Variants in ZFYVE28 observed in about 807,000 individuals in gnomAD.
The protein encoded by ZFYVE28 is zinc finger FYVE-type containing 28.
ZFYVE28 carries 40 observed loss-of-function variants against 82.1 expected under a neutral mutation model. That is an observed-to-expected ratio of 0.49 (90% confidence interval 0.38 to 0.63). The LOEUF is 0.63. ZFYVE28 is among the 30% of genes least tolerant of loss of function. The pLI is 0.00. For synonymous variants in ZFYVE28, 612 were observed against 546.1 expected (o/e 1.12, Z -1.68); for missense variants, 1,321 against 1,242.1 (o/e 1.06, Z -0.96).
At chr4:2,273,096 T>C in intron 10 of ZFYVE28, 77 bp downstream of exon 10, 1 of 1,255,068 alleles carries the variant, frequency 8.0e-7, no homozygotes, top group Non-Finnish European at 1.1e-6. Context: ...AGGTGTGGAT[T>C]TCTGAGCACC....
At chr4:2,333,654 A>G (rs1419517541) in intron 6 of ZFYVE28, among the ~76,000 whole-genome samples, 1 of 152,082 alleles carries the variant, frequency 6.6e-6, no homozygotes, top group African/African-American at 2.4e-5. Context: ...GCTTGGTGCC[A>G]CACCTCAAAG....
intron 8 of ZFYVE28, among the ~76,000 whole-genome samples, chr4:2,275,146 C>A (rs1736295759): frequency 6.6e-6 from 1 of 152,190 alleles, no homozygotes; most frequent in African/African-American, 2.4e-5. Context: ...AGACCTCAGG[C>A]TCTGTCCGTG....
At position 2,418,229 on chromosome 4, in the gene ZFYVE28, T is replaced by TG; in HGVS notation, c.39+55dup. 1 of 1,502,898 alleles carries TG rather than the reference T, an allele frequency of 6.7e-7. No individual in the cohort carries two copies. The highest frequency in any genetic ancestry group is 1.2e-5 in the South Asian group (1 of 80,698). 93.1% of individuals were successfully genotyped at this position (1,502,898 alleles called of 1,614,324 possible). A position where few individuals can be genotyped will look rare whatever the true frequency, so the allele number is the denominator to read the frequency against. On this transcript the variant is annotated intron_variant, in intron 1 of 12. Transcript: ENST00000290974. This position sits in a 1 kb window ranked among gnomAD's most constrained non-coding sequence, Gnocchi z 4.6. Reference sequence around the variant, plus strand: ...GTCTTGTAGGGCGGACGGGCGGTCCTGGGGAAGGGAGAGGCCGCGACGCGG... The same window carrying TG: ...GTCTTGTAGGGCGGACGGGCGGTCCTGGGGGAAGGGAGAGGCCGCGACGCGG...
intron 8 of ZFYVE28, among the ~76,000 whole-genome samples, chr4:2,291,543 C>T (rs537387462): frequency 1.3e-5 from 2 of 152,196 alleles, no homozygotes; most frequent in African/African-American, 4.8e-5. Context: ...GGAGTAGGGC[C>T]GGAAGTGGCC....
chr4:2,333,965 G>A (rs1452107131), intron 6 of ZFYVE28, among the ~76,000 whole-genome samples: 1 of 152,130 alleles, frequency 6.6e-6, no homozygotes, highest in Non-Finnish European at 1.5e-5. Context: ...GCTCTGGGGT[G>A]GCCTCTCCCC....
At chr4:2,273,903 G>T (rs564008713) in intron 9 of ZFYVE28, among the ~76,000 whole-genome samples, 159 bp downstream of exon 9, 223 of 152,266 alleles carry the variant, frequency 1.5e-3, no homozygotes, top group Non-Finnish European at 2.6e-3. Flanking sequence ...GGTCAGTCCA[G>T]CCTTCTCCAT....
At position 2,335,367 on chromosome 4, in the gene ZFYVE28, G is replaced by C. The variant is rs150182460; in HGVS notation, c.701+338C>G. 6.6e-6 allele frequency among the ~76,000 whole-genome samples: 1 copy of C among 152,120 alleles called. No homozygotes were observed. Among genetic ancestry groups the C allele is most frequent in the Non-Finnish European group, 1.5e-5 (1 of 68,010 alleles). ...AGCCCCTGCGTGGCCACTCTGTTCC[G>C]AGCATGACCCCTGTGTGACCCTCAT... On this transcript the variant is annotated intron_variant, in intron 6 of 12. Transcript: ENST00000290974. The surrounding 1 kb of genome is among the most constrained non-coding windows in gnomAD (Gnocchi z 5.8).
chr4:2,303,218 G>A (rs1715875449), intron 8 of ZFYVE28, among the ~76,000 whole-genome samples: 1 of 152,114 alleles, frequency 6.6e-6, no homozygotes, highest in Non-Finnish European at 1.5e-5. Flanking sequence ...CGGGACCCTG[G>A]TCACTCCCAC....
intron 3 of ZFYVE28, among the ~76,000 whole-genome samples, chr4:2,340,829 G>A (rs377153039): frequency 1.3e-5 from 2 of 152,082 alleles, no homozygotes; most frequent in South Asian, 2.1e-4. Context: ...ACGGGGCAGC[G>A]TGGGATGAAG....
At chr4:2,350,001 G>A (rs1724124491) in intron 2 of ZFYVE28, among the ~76,000 whole-genome samples, 2 of 150,348 alleles carry the variant, frequency 1.3e-5, no homozygotes, top group Non-Finnish European at 2.9e-5. Context: ...ACTTTGTACT[G>A]GAATTCTAGC....
At position 2,341,040 on chromosome 4, in the gene ZFYVE28, T is replaced by C. The variant is rs1363000595; in HGVS notation, c.318+438A>G. On this transcript the variant is annotated intron_variant, in intron 3 of 12. Transcript: ENST00000290974. The surrounding 1 kb of genome is among the most constrained non-coding windows in gnomAD (Gnocchi z 4.5). Reference sequence around the variant, plus strand: ...CCTTCCTCTCGGTGCCTCAGTTTCCTGATTGGGAGATGAAGATGAAGATGA... The same window carrying C: ...CCTTCCTCTCGGTGCCTCAGTTTCCCGATTGGGAGATGAAGATGAAGATGA... Among the ~76,000 whole-genome samples, 1 of 151,476 alleles carries C rather than the reference T, an allele frequency of 6.6e-6. No individual in the cohort carries two copies. The highest frequency in any genetic ancestry group is 1.5e-5 in the Non-Finnish European group (1 of 67,916).
At chr4:2,308,608 G>GAA (rs1578016832) in intron 7 of ZFYVE28, among the ~76,000 whole-genome samples, 2 of 99,700 alleles carry the variant, frequency 2.0e-5, no homozygotes, top group Non-Finnish European at 4.1e-5. Context: ...GACAGAGAGA[G>GAA]AGAAAGAAAG....
At chr4:2,411,437 T>C (rs900345602) in intron 1 of ZFYVE28, among the ~76,000 whole-genome samples, 70 of 152,250 alleles carry the variant, frequency 4.6e-4, no homozygotes, top group African/African-American at 1.6e-3. Flanking sequence ...TTCACTTTTG[T>C]CTTCCTCCTT....
intron 1 of ZFYVE28, among the ~76,000 whole-genome samples, chr4:2,384,485 G>A (rs1031857144): frequency 6.6e-6 from 1 of 152,198 alleles, no homozygotes; most frequent in Non-Finnish European, 1.5e-5. Context: ...CACCAGGACC[G>A]TGACAAATGC....
At chr4:2,283,605 T>C (rs905098819) in intron 8 of ZFYVE28, among the ~76,000 whole-genome samples, 3 of 152,032 alleles carry the variant, frequency 2.0e-5, no homozygotes, top group African/African-American at 7.3e-5. Context: ...CATCCATCCA[T>C]CCACCTGCCC....
intron 2 of ZFYVE28, chr4:2,343,365 G>A (rs1723085933): frequency 6.6e-6 from 1 of 152,106 alleles, no homozygotes; most frequent in Non-Finnish European, 1.5e-5. Context: ...ATTTTTCTTA[G>A]GAAGAGATAC....
chr4:2,368,228 A>AAAAAAC (rs1560294677), intron 1 of ZFYVE28, among the ~76,000 whole-genome samples: 4 of 151,160 alleles, frequency 2.6e-5, no homozygotes, highest in African/African-American at 9.7e-5. Flanking sequence ...AAAAAAAAAA[A>AAAAAAC]AACACTGTAT....
chr4:2,372,114 G>A lies in ZFYVE28; in HGVS notation c.40-18041C>T, dbSNP rs1314785533. 6.6e-6 allele frequency among the ~76,000 whole-genome samples: 1 copy of A among 152,178 alleles called. No homozygotes were observed. The highest frequency in any genetic ancestry group is 1.5e-5 in the Non-Finnish European group (1 of 68,018). The stretch of plus-strand genomic sequence containing the variant: ...CGGTTCTGGTGCGCATGGCCCATGT[G>A]GACATCTGTCAGAACTGGGGAGCGG... On this transcript the variant is annotated intron_variant, in intron 1 of 12. Transcript: ENST00000290974. The surrounding 1 kb of genome is among the most constrained non-coding windows in gnomAD (Gnocchi z 5.2).
intron 8 of ZFYVE28, among the ~76,000 whole-genome samples, chr4:2,301,991 C>A (rs998003670): frequency 7.2e-5 from 11 of 152,214 alleles, no homozygotes; most frequent in African/African-American, 2.7e-4. Context: ...CCCGAGTGCA[C>A]GCCAGGCCAG....
Sources: allele counts gnomAD v4.1 joint callset (sites outside exome capture counted in the v4.1 genomes callset), GRCh38; gene constraint gnomAD v4.1.1; non-coding constraint Gnocchi (gnomAD v3.1); transcripts MANE v1.5; gene names NCBI Gene and HGNC (gene_info 2026-07-23, HGNC 2026-07-21).